The following PRKD1 variants were observed in gnomAD, a reference collection of about 807,000 sequenced individuals.
PRKD1 encodes serine/threonine-protein kinase D1.
In PRKD1, 63 loss-of-function variants were observed where a neutral mutation model predicts 95.9. The ratio of observed to expected loss-of-function variants is 0.66; its 90% CI spans 0.54 to 0.81. The LOEUF (loss-of-function observed/expected upper bound fraction) is 0.81, where lower values mean the gene tolerates loss of function less well. Among genes scored for constraint, PRKD1 ranks in the 30% least tolerant of loss-of-function variants. PRKD1 has a pLI of 0.00. For missense variants in PRKD1, 1,048 were observed against 1,165.3 expected (o/e 0.90, Z 1.47); for synonymous variants, 425 against 423.1 (o/e 1.00, Z -0.05).
At chr14:29,600,759 G>A (rs1335126818) in intron 13 of PRKD1, among the ~76,000 whole-genome samples, 1 of 152,118 alleles carries the variant, frequency 6.6e-6, no homozygotes, top group Non-Finnish European at 1.5e-5. Flanking sequence ...GCAGCATTTT[G>A]CTTGACACAT....
intron 1 of PRKD1, among the ~76,000 whole-genome samples, chr14:29,897,176 G>A (rs1216424712): frequency 6.6e-6 from 1 of 151,592 alleles, no homozygotes; most frequent in Non-Finnish European, 1.5e-5. Context: ...ATATATCGTG[G>A]ACATCTTTCA....
At chr14:29,873,760 G>A (rs1436576646) in intron 1 of PRKD1, among the ~76,000 whole-genome samples, 1 of 151,734 alleles carries the variant, frequency 6.6e-6, no homozygotes, top group Non-Finnish European at 1.5e-5. Flanking sequence ...TGAAATATTA[G>A]AGATTATGTT....
At chr14:29,765,478 T>C (rs1888216749) in intron 1 of PRKD1, among the ~76,000 whole-genome samples, 1 of 152,184 alleles carries the variant, frequency 6.6e-6, no homozygotes, top group South Asian at 2.1e-4. Flanking sequence ...ACATTTGGCT[T>C]TTTCTTGTAA....
intron 4 of PRKD1, among the ~76,000 whole-genome samples, chr14:29,662,001 T>C (rs2139206713): frequency 6.6e-6 from 1 of 152,352 alleles, no homozygotes; most frequent in South Asian, 2.1e-4. Flanking sequence ...AATAATTTAG[T>C]GGTTATTTAA....
chr14:29,666,839 G>A lies in PRKD1; in HGVS notation c.404-631C>T, dbSNP rs45511498. Among the ~76,000 whole-genome samples the A allele has an allele frequency of 8.9e-3, 1,360 of 152,212 alleles. 21 individuals carry two copies. The highest frequency in any genetic ancestry group is 0.031 in the African/African-American group (1,297 of 41,532). On this transcript the variant is annotated intron_variant, in intron 2 of 17. Transcript: ENST00000331968. ...AGAGAGGGATTTAATACATACGCTG[G>A]TGAACTGCAGTCCATTCTGAGAAAT...
At chr14:29,741,837 T>G (rs767197123) in intron 1 of PRKD1, among the ~76,000 whole-genome samples, 1 of 152,006 alleles carries the variant, frequency 6.6e-6, no homozygotes, top group Admixed American at 6.6e-5. Flanking sequence ...TTAACCTATA[T>G]TCAGTGACAA....
At chr14:29,766,464 TATG>T (rs1888261289) in intron 1 of PRKD1, among the ~76,000 whole-genome samples, 1 of 152,202 alleles carries the variant, frequency 6.6e-6, no homozygotes, top group African/African-American at 2.4e-5. Flanking sequence ...TTCTTACAGG[TATG>T]ATAACAACGT....
chr14:29,770,914 A>AGAGT (rs1479846249), intron 1 of PRKD1, among the ~76,000 whole-genome samples: 1 of 136,040 alleles, frequency 7.4e-6, no homozygotes, highest in African/African-American at 2.7e-5. Context: ...CCTGAGTGAT[A>AGAGT]GAGTGAGACA....
intron 1 of PRKD1, among the ~76,000 whole-genome samples, chr14:29,870,905 G>A (rs974421784): frequency 2.6e-5 from 4 of 152,106 alleles, no homozygotes; most frequent in African/African-American, 4.8e-5. Context: ...ACACTGAATC[G>A]TCTTTTCTAT....
At chr14:29,814,568 G>A (rs1011306439) in intron 1 of PRKD1, among the ~76,000 whole-genome samples, 3 of 152,104 alleles carry the variant, frequency 2.0e-5, no homozygotes, top group African/African-American at 7.2e-5. Flanking sequence ...AACCTCTTAT[G>A]CCTGCATGTG....
intron 2 of PRKD1, among the ~76,000 whole-genome samples, chr14:29,690,621 G>A (rs1352816632): frequency 2.0e-5 from 3 of 152,044 alleles, no homozygotes; most frequent in Non-Finnish European, 4.4e-5. Context: ...TATTCTCAAT[G>A]CTATAGCAAA....
chr14:29,838,561 C>A lies in PRKD1; in HGVS notation c.264+88688G>T, dbSNP rs911545613. Among the ~76,000 whole-genome samples the A allele has an allele frequency of 7.9e-5, 12 of 152,216 alleles. No homozygotes were observed. The East Asian group carries it at 1.4e-3, about 17-fold the overall frequency. On this transcript the variant is annotated intron_variant, in intron 1 of 17. Coordinates refer to ENST00000331968, the MANE Select transcript of PRKD1 (RefSeq NM_002742.3). The stretch of plus-strand genomic sequence containing the variant: ...ATTGCACAGTGATCAAAAAAAAGTT[C>A]TCTGTATGATACCCATATTTGCTGC...
Position 29,891,142 on chromosome 14 carries a change from G to C in PRKD1, c.264+36107C>G, listed in dbSNP as rs186081068. ...ATAGATGCTAGCCAGATGCCCAAAG[G>C]ACAGCTATGTAATAGGTGACAAATG... On this transcript the variant is annotated intron_variant, in intron 1 of 17. Coordinates refer to ENST00000331968, the MANE Select transcript of PRKD1 (RefSeq NM_002742.3). Among the ~76,000 whole-genome samples the C allele has an allele frequency of 2.2e-3, 334 of 152,250 alleles. 2 individuals carry two copies. The highest frequency in any genetic ancestry group is 3.5e-3 in the Non-Finnish European group (235 of 68,018).
At chr14:29,761,252 C>G (rs1382428679) in intron 1 of PRKD1, among the ~76,000 whole-genome samples, 1 of 152,180 alleles carries the variant, frequency 6.6e-6, no homozygotes, top group African/African-American at 2.4e-5. Context: ...TTGAACTGAT[C>G]ACAATGAACA....
At chr14:29,771,280 G>A (rs1412250421) in intron 1 of PRKD1, among the ~76,000 whole-genome samples, 2 of 152,150 alleles carry the variant, frequency 1.3e-5, no homozygotes, top group Non-Finnish European at 2.9e-5. Flanking sequence ...ATTTTGGAGA[G>A]CACTGGGCTG....
chr14:29,906,453 G>A (rs1439913366), intron 1 of PRKD1, among the ~76,000 whole-genome samples: 3 of 151,828 alleles, frequency 2.0e-5, no homozygotes, highest in Non-Finnish European at 4.4e-5. Context: ...CAGGAAGATC[G>A]CTTGAGCCCA....
At chr14:29,596,467 T>C (rs1404540758) in intron 16 of PRKD1, among the ~76,000 whole-genome samples, 23 of 152,208 alleles carry the variant, frequency 1.5e-4, no homozygotes, top group Admixed American at 1.5e-3. Flanking sequence ...CACTTCTTTT[T>C]TTTTGAGATG....
At chr14:29,712,886 A>G (rs1001040815) in intron 2 of PRKD1, among the ~76,000 whole-genome samples, 8 of 152,150 alleles carry the variant, frequency 5.3e-5, no homozygotes, top group Non-Finnish European at 1.2e-4. Context: ...GCCACCAATC[A>G]TGGAACAAAA....
At chr14:29,783,206 G>A (rs554077726) in intron 1 of PRKD1, among the ~76,000 whole-genome samples, 4 of 152,016 alleles carry the variant, frequency 2.6e-5, no homozygotes, top group African/African-American at 7.2e-5. Context: ...CTACCTCCAC[G>A]AAATCAAATT....
Sources: allele counts gnomAD v4.1 joint callset (sites outside exome capture counted in the v4.1 genomes callset), GRCh38; gene constraint gnomAD v4.1.1; transcripts MANE v1.5; gene names NCBI Gene and HGNC (gene_info 2026-07-23, HGNC 2026-07-21).